ATXN2: variants seen among roughly 807,000 people sequenced by gnomAD.
The protein encoded by ATXN2 is ataxin-2.
Under a neutral mutation model 138.6 loss-of-function variants are expected in ATXN2, and 37 were observed. The ratio of observed to expected loss-of-function variants is 0.27; its 90% CI spans 0.21 to 0.35. ATXN2 has a LOEUF of 0.35. ATXN2 is among the 10% of genes least tolerant of loss of function. The pLI, the probability that ATXN2 is intolerant of heterozygous loss-of-function variation, is 1.00. For missense variants in ATXN2, 1,216 were observed against 1,480.3 expected (o/e 0.82, Z 2.93); for synonymous variants, 549 against 543.7 (o/e 1.01, Z -0.13).
chr12:111,475,213 C>CA (rs1204054416), intron 18 of ATXN2, among the ~76,000 whole-genome samples: 95 of 140,242 alleles, frequency 6.8e-4, no homozygotes, highest in East Asian at 1.1e-3. Flanking sequence ...GACTCTGTCT[C>CA]AAAAAAAAAA....
chr12:111,576,608 T>C (rs1395083333), intron 1 of ATXN2, among the ~76,000 whole-genome samples: 2 of 151,846 alleles, frequency 1.3e-5, no homozygotes, highest in African/African-American at 4.8e-5. Flanking sequence ...CTCAGCCTTC[T>C]GAGTCACTGA....
intron 8 of ATXN2, 105 bp from the exon 9 acceptor site, chr12:111,518,532 G>C: frequency 8.0e-7 from 1 of 1,244,370 alleles, no homozygotes; most frequent in Non-Finnish European, 1.1e-6. Flanking sequence ...TTACAAAAAG[G>C]TTCTACACTA....
At position 111,598,709 on chromosome 12, in the gene ATXN2, C is replaced by T; in HGVS notation, c.251+75G>A. On this transcript the variant is annotated intron_variant, in intron 1 of 24. Transcript: ENST00000673436. This position sits in a 1 kb window ranked among gnomAD's most constrained non-coding sequence, Gnocchi z 4.5. ...CCGGGTAGCCCGGCGGGTCACGGGG[C>T]GGGGACGGCGGCGCGGGCCGCGGGG... 2.6e-6 allele frequency: 2 copies of T among 762,338 alleles called. No individual in the cohort carries two copies. The highest frequency in any genetic ancestry group is 3.3e-6 in the Non-Finnish European group (2 of 608,170). The allele number at this position is 762,338 out of a possible 1,614,324, so 47.2% of individuals were successfully genotyped here. A position where few individuals can be genotyped will look rare whatever the true frequency, so the allele number is the denominator to read the frequency against.
intron 11 of ATXN2, 108 bp from the exon 12 acceptor site, chr12:111,510,690 A>G (rs570969817): frequency 9.5e-7 from 1 of 1,050,764 alleles, no homozygotes; most frequent in South Asian, 1.6e-5. Flanking sequence ...TGTCCTCTCT[A>G]GCCCTTACCC....
intron 1 of ATXN2, among the ~76,000 whole-genome samples, chr12:111,567,256 C>G (rs1883061925): frequency 6.6e-6 from 1 of 152,016 alleles, no homozygotes; most frequent in Non-Finnish European, 1.5e-5. Context: ...AATCCCAGCA[C>G]TTTGCGAAGT....
At chr12:111,572,155 T>A (rs1295591111) in intron 1 of ATXN2, among the ~76,000 whole-genome samples, 3 of 152,106 alleles carry the variant, frequency 2.0e-5, no homozygotes, top group Non-Finnish European at 4.4e-5. Flanking sequence ...ATCCCAGCAC[T>A]TTGGGAGGCC....
rs775781088 is a variant in ATXN2, at chr12:111,457,289, A to C, written c.2967T>G (p.Pro989=). The change falls in exon 22 of 25, where the codon CCT becomes CCG. Residue 989 remains proline (P), a synonymous_variant. Transcript: ENST00000673436. ...GTCCAGTGGGGGTAGCTGAAGGCTG[A>C]GGGTGTGGAGTATGTGGGTGCAGGG... The part of the protein sequence containing the change: ...NATLHPHTPH[P]QPSATPTGQQ... 15 of 1,614,012 alleles carry C rather than the reference A, an allele frequency of 9.3e-6. No homozygotes were observed. In the South Asian group the frequency reaches 1.6e-4, roughly 18 times the overall value.
rs764588879 is a variant in ATXN2, at chr12:111,599,054, G to T, written c.-20C>A. On this transcript the variant is annotated 5_prime_UTR_variant, in exon 1 of 25. Transcript: ENST00000673436. ...CGACATGGTGAGGGGCCCATACACC[G>T]GCTCGCACGCCGGGCGGGGACAGCC... 16 of 1,450,080 alleles carry T rather than the reference G, an allele frequency of 1.1e-5. No individual in the cohort carries two copies. The allele number at this position is 1,450,080 out of a possible 1,614,324, so 89.8% of individuals were successfully genotyped here. A position where few individuals can be genotyped will look rare whatever the true frequency, so the allele number is the denominator to read the frequency against.
chr12:111,592,801 A>AAAAAAAAAAAAAAAAAAAAC, intron 1 of ATXN2, among the ~76,000 whole-genome samples: 1 of 148,124 alleles, frequency 6.8e-6, no homozygotes, highest in Non-Finnish European at 1.5e-5. Context: ...AAAAAAAAAA[A>AAAAAAAAAAAAAAAAAAAAC]AAAGATAATA....
chr12:111,520,362 G>C (rs1391861432), intron 7 of ATXN2, among the ~76,000 whole-genome samples: 1 of 152,040 alleles, frequency 6.6e-6, no homozygotes, highest in Non-Finnish European at 1.5e-5. Context: ...CAACTTAGAA[G>C]ACAAAACCGG....
intron 5 of ATXN2, among the ~76,000 whole-genome samples, chr12:111,547,639 C>T (rs1424193508): frequency 1.3e-5 from 2 of 150,992 alleles, no homozygotes; most frequent in South Asian, 2.1e-4. Flanking sequence ...ATAGGAGAAT[C>T]GCTTGAACCC....
chr12:111,469,672 A>G (rs1279263862), intron 20 of ATXN2: 2 of 176,442 alleles, frequency 1.1e-5, no homozygotes, highest in African/African-American at 4.7e-5. Flanking sequence ...TCATTATAAC[A>G]AACAGCAAAA....
intron 5 of ATXN2, among the ~76,000 whole-genome samples, chr12:111,551,633 G>A (rs949597919): frequency 1.3e-5 from 2 of 151,916 alleles, no homozygotes; most frequent in Non-Finnish European, 2.9e-5. Context: ...TTTGCCACAT[G>A]CCCACTTATA....
chr12:111,548,024 C>A (rs1027889746), intron 5 of ATXN2, among the ~76,000 whole-genome samples: 1 of 151,762 alleles, frequency 6.6e-6, no homozygotes, highest in African/African-American at 2.4e-5. Context: ...AAAACCCCAT[C>A]TCTACTAAAA....
chr12:111,590,794 T>C (rs964255512), intron 1 of ATXN2, among the ~76,000 whole-genome samples: 3 of 152,124 alleles, frequency 2.0e-5, no homozygotes, highest in African/African-American at 4.8e-5. Context: ...TAGGTTCTTA[T>C]AGAAGCACAA....
intron 1 of ATXN2, among the ~76,000 whole-genome samples, chr12:111,595,022 C>T (rs1316534441): frequency 6.6e-6 from 1 of 152,180 alleles, no homozygotes; most frequent in Non-Finnish European, 1.5e-5. Flanking sequence ...CTAACAAAAG[C>T]ACTTAATAAT....
intron 1 of ATXN2, among the ~76,000 whole-genome samples, chr12:111,587,390 T>C (rs1427923958): frequency 2.0e-5 from 3 of 152,116 alleles, no homozygotes; most frequent in African/African-American, 7.2e-5. Flanking sequence ...CCAGCCACGG[T>C]GCCTCACACA....
intron 5 of ATXN2, among the ~76,000 whole-genome samples, chr12:111,538,058 T>C (rs1444469645): frequency 6.6e-6 from 1 of 151,614 alleles, no homozygotes; most frequent in Non-Finnish European, 1.5e-5. Flanking sequence ...ATGGCGCCAC[T>C]GCACTCCAGC....
intron 18 of ATXN2, among the ~76,000 whole-genome samples, chr12:111,484,197 A>G (rs1877474760): frequency 6.6e-6 from 1 of 152,166 alleles, no homozygotes; most frequent in Non-Finnish European, 1.5e-5. Context: ...CAAGGTTAGC[A>G]ATCTAGTAAA....
Sources: allele counts gnomAD v4.1 joint callset (sites outside exome capture counted in the v4.1 genomes callset), GRCh38; gene constraint gnomAD v4.1.1; non-coding constraint Gnocchi (gnomAD v3.1); transcripts MANE v1.5; gene names NCBI Gene and HGNC (gene_info 2026-07-23, HGNC 2026-07-21).